KCNQ3: variants seen among roughly 807,000 people sequenced by gnomAD.
The protein encoded by KCNQ3 is potassium voltage-gated channel subfamily KQT member 3.
Under a neutral mutation model 92.5 loss-of-function variants are expected in KCNQ3, and 30 were observed. That is an observed-to-expected ratio of 0.32 (90% CI 0.24 to 0.44). The LOEUF (loss-of-function observed/expected upper bound fraction) is 0.44. KCNQ3 is among the 20% of genes least tolerant of loss of function. The pLI is 1.00. For missense variants in KCNQ3, 913 were observed against 1,140.3 expected, an observed-to-expected ratio of 0.80 and a Z score of 2.87; for synonymous variants, 450 against 468.8, an observed-to-expected ratio of 0.96 and a Z score of 0.52.
intron 1 of KCNQ3, among the ~76,000 whole-genome samples, chr8:132,251,088 G>A (rs1258209541): frequency 1.3e-5 from 2 of 152,096 alleles, no homozygotes; most frequent in Non-Finnish European, 2.9e-5. Context: ...GCAACATGGT[G>A]AAACCCTGTC....
At chr8:132,155,614 T>C (rs1410769851) in intron 9 of KCNQ3, among the ~76,000 whole-genome samples, 1 of 152,146 alleles carries the variant, frequency 6.6e-6, no homozygotes, top group African/African-American at 2.4e-5. Context: ...GTGCCCAGAA[T>C]CACATAGCCA....
At chr8:132,381,207 C>A (rs1382807113) in intron 1 of KCNQ3, among the ~76,000 whole-genome samples, 1 of 152,208 alleles carries the variant, frequency 6.6e-6, no homozygotes, top group Non-Finnish European at 1.5e-5. Context: ...CTTTAGACTG[C>A]ACAGCTGAAT....
At chr8:132,463,612 T>A (rs1439765338) in intron 1 of KCNQ3, among the ~76,000 whole-genome samples, 17 of 152,162 alleles carry the variant, frequency 1.1e-4, no homozygotes, top group Non-Finnish European at 4.4e-5. Flanking sequence ...GCAAGTGTTT[T>A]TCATGGCATA....
chr8:132,394,260 G>A (rs1820132493), intron 1 of KCNQ3, among the ~76,000 whole-genome samples: 1 of 152,194 alleles, frequency 6.6e-6, no homozygotes, highest in African/African-American at 2.4e-5. Flanking sequence ...GTTCTGAGGA[G>A]AGAGCATGGG....
chr8:132,285,729 T>C (rs750206908), intron 1 of KCNQ3, among the ~76,000 whole-genome samples: 4 of 152,170 alleles, frequency 2.6e-5, no homozygotes, highest in Non-Finnish European at 4.4e-5. Context: ...ATCAAAACTA[T>C]GGGAGAAAGA....
chr8:132,172,850 C>T (rs1029579639), intron 6 of KCNQ3, among the ~76,000 whole-genome samples, 157 bp from the exon 7 acceptor site: 1 of 152,158 alleles, frequency 6.6e-6, no homozygotes, highest in Non-Finnish European at 1.5e-5. Flanking sequence ...AGAGCCCTTC[C>T]TTCTCTTGAA....
At chr8:132,137,245 G>A (rs1825132371) in intron 12 of KCNQ3, among the ~76,000 whole-genome samples, 1 of 152,082 alleles carries the variant, frequency 6.6e-6, no homozygotes, top group Admixed American at 6.6e-5. Context: ...AAGGAAATAT[G>A]GTGTATTAGA....
At chr8:132,320,045 C>T (rs1337067861) in intron 1 of KCNQ3, among the ~76,000 whole-genome samples, 1 of 152,174 alleles carries the variant, frequency 6.6e-6, no homozygotes, top group Non-Finnish European at 1.5e-5. Context: ...GATATGAATT[C>T]CAATAAACCC....
At chr8:132,197,788 CA>C (rs1449966989) in intron 1 of KCNQ3, among the ~76,000 whole-genome samples, 8 of 152,160 alleles carry the variant, frequency 5.3e-5, no homozygotes, top group Non-Finnish European at 1.0e-4. Flanking sequence ...TTTTATTAAA[CA>C]TCCAAAAGTT....
At chr8:132,401,582 G>C (rs564257499) in intron 1 of KCNQ3, among the ~76,000 whole-genome samples, 1 of 152,228 alleles carries the variant, frequency 6.6e-6, no homozygotes, top group Non-Finnish European at 1.5e-5. Context: ...CACCATGTTG[G>C]CCAGGATGGT....
intron 1 of KCNQ3, among the ~76,000 whole-genome samples, chr8:132,396,862 T>C (rs532931874): frequency 6.6e-6 from 1 of 152,172 alleles, no homozygotes; most frequent in East Asian, 1.9e-4. Flanking sequence ...AGTGAAGTGG[T>C]CCTAAGTAGT....
chr8:132,334,141 A>G (rs1818302797), intron 1 of KCNQ3, among the ~76,000 whole-genome samples: 1 of 152,048 alleles, frequency 6.6e-6, no homozygotes, highest in Admixed American at 6.6e-5. Flanking sequence ...ATCTTCCCAT[A>G]TTGTTGGGCA....
At position 132,349,223 on chromosome 8, in the gene KCNQ3, G is replaced by T. The variant is rs890976317; in HGVS notation, c.386+130924C>A. Among the ~76,000 whole-genome samples, 4 of 152,196 alleles carry T rather than the reference G, an allele frequency of 2.6e-5. No individual in the cohort carries two copies. The South Asian group carries it at 8.3e-4, about 32-fold the overall frequency. On this transcript the variant is annotated intron_variant, in intron 1 of 14. Transcript: ENST00000388996. ...ACCCAAGGTCACACAGCAAGTCAAC[G>T]CCTCAGGCAGCATGTGTGGCTAAGT...
At chr8:132,169,400 A>G (rs1826242513) in intron 8 of KCNQ3, among the ~76,000 whole-genome samples, 1 of 152,190 alleles carries the variant, frequency 6.6e-6, no homozygotes, top group African/African-American at 2.4e-5. Context: ...TGGGCATCCA[A>G]TGCATATTAA....
intron 1 of KCNQ3, among the ~76,000 whole-genome samples, chr8:132,316,505 C>T (rs1251980324): frequency 6.6e-6 from 1 of 152,246 alleles, no homozygotes; most frequent in African/African-American, 2.4e-5. Context: ...TCCTTCAACA[C>T]TGGCCACTGT....
intron 1 of KCNQ3, among the ~76,000 whole-genome samples, chr8:132,210,129 C>T (rs1416521665): frequency 2.0e-5 from 3 of 152,206 alleles, no homozygotes; most frequent in African/African-American, 7.2e-5. Context: ...ACACCAATGT[C>T]TATCTTTAAT....
intron 6 of KCNQ3, among the ~76,000 whole-genome samples, chr8:132,173,458 C>T (rs949827393): frequency 7.9e-5 from 12 of 152,062 alleles, no homozygotes; most frequent in Non-Finnish European, 2.9e-5. Flanking sequence ...TTTTTTCAAG[C>T]TTCATGATTA....
At position 132,127,561 on chromosome 8, in the gene KCNQ3, T is replaced by A. The variant is rs1441217120; in HGVS notation, c.*1701A>T. 1 of 152,226 alleles carries A rather than the reference T, an allele frequency of 6.6e-6. No homozygotes were observed. Among genetic ancestry groups the A allele is most frequent in the African/African-American group, 2.4e-5 (1 of 41,446 alleles). 9.4% of individuals were successfully genotyped at this position (152,226 alleles called of 1,614,324 possible). A position where few individuals can be genotyped will look rare whatever the true frequency, so the allele number is the denominator to read the frequency against. On this transcript the variant is annotated 3_prime_UTR_variant, in exon 15 of 15. Transcript: ENST00000388996. Reference sequence around the variant, plus strand: ...AAATGTCTGCCATAGCTACTGTGGCTCTTGACAAGACTGTGAGGGAGAATA... The same window carrying A: ...AAATGTCTGCCATAGCTACTGTGGCACTTGACAAGACTGTGAGGGAGAATA...
chr8:132,465,183 C>T (rs78451701), intron 1 of KCNQ3, among the ~76,000 whole-genome samples: 2,443 of 152,304 alleles, frequency 0.016, 63 homozygotes, highest in African/African-American at 0.056. Flanking sequence ...CTGCCATTTT[C>T]TCCACAAAAG....
Sources: gnomAD v4.1 joint callset for allele counts (sites outside exome capture counted in the v4.1 genomes callset) on GRCh38, gnomAD v4.1.1 for gene constraint, MANE v1.5 for transcripts, NCBI Gene and HGNC (gene_info 2026-07-23, HGNC 2026-07-21) for gene names.